PCDHGB6: variants seen among roughly 807,000 people sequenced by gnomAD.
PCDHGB6 encodes the protein protocadherin gamma-B6.
Under a neutral mutation model 59.1 loss-of-function variants are expected in PCDHGB6, and 51 were observed. The observed-to-expected ratio is 0.86, with a 90% CI of 0.69 to 1.09. PCDHGB6 has a LOEUF of 1.09. Among genes scored for constraint, PCDHGB6 ranks in the 50% least tolerant of loss-of-function variants. The pLI is 0.00. For missense variants in PCDHGB6, 1,148 were observed against 1,205.1 expected, an observed-to-expected ratio of 0.95 and a Z score of 0.70; for synonymous variants, 466 against 495.1, an observed-to-expected ratio of 0.94 and a Z score of 0.78.
rs1303066281 is a variant in PCDHGB6, at chr5:141,511,199, G to A, written c.*26G>A. The A allele has an allele frequency of 1.2e-6, 2 of 1,612,750 alleles. No homozygotes were observed. The highest frequency in any genetic ancestry group is 1.3e-5 in the African/African-American group (1 of 74,896). On this transcript the variant is annotated 3_prime_UTR_variant, in exon 4 of 4. Transcript: ENST00000520790. The stretch of plus-strand genomic sequence containing the variant: ...CATGGAGGCCAGGCCAAGAGCCACA[G>A]GGCGGCCTCTCCCCAACCAGCCCAG...
intron 1 of PCDHGB6, chr5:141,415,979 C>T (rs2095978015): frequency 2.8e-6 from 1 of 351,190 alleles, no homozygotes; most frequent in Middle Eastern, 8.3e-4. Flanking sequence ...TTAAGCAACC[C>T]TCTTGTTCTG....
chr5:141,468,464 TC>T (rs2099167734), intron 1 of PCDHGB6: 2 of 152,174 alleles, frequency 1.3e-5, no homozygotes, highest in Admixed American at 1.3e-4. Flanking sequence ...GCAAGTTATT[TC>T]TGAGGAGAAT....
In PCDHGB6 at chr5:141,432,866, G is replaced by A; in HGVS notation, c.2418+22246G>A. The A allele has an allele frequency of 6.2e-7, 1 of 1,614,152 alleles. No individual in the cohort carries two copies. The highest frequency in any genetic ancestry group is 8.5e-7 in the Non-Finnish European group (1 of 1,180,008). On this transcript the variant is annotated intron_variant, in intron 1 of 3. Transcript: ENST00000520790. This position sits in a 1 kb window ranked among gnomAD's most constrained non-coding sequence, Gnocchi z 6.0. ...GGTAGCGGTGGCCGCGGTCTCCTGC[G>A]TCTTCCTGGCCTTCGTCATCTTGCT...
Position 141,408,131 on chromosome 5 carries a change from G to C in PCDHGB6, c.-72G>C. On this transcript the variant is annotated 5_prime_UTR_variant, in exon 1 of 4. It removes an upstream start codon present in the reference 5' UTR. Transcript: ENST00000520790. The stretch of plus-strand genomic sequence containing the variant: ...GGACTCCTCCTGTCCTGGGCCGAAT[G>C]CTCTTTTAGCGCGGTAGAGTGCACT... 1 of 1,482,338 alleles carries C rather than the reference G, an allele frequency of 6.7e-7. No homozygotes were observed. Among genetic ancestry groups the C allele is most frequent in the South Asian group, 1.4e-5 (1 of 72,628 alleles). The allele number at this position is 1,482,338 out of a possible 1,614,324, so 91.8% of individuals were successfully genotyped here.
rs1590066119 is a variant in PCDHGB6, at chr5:141,417,816, C to G, written c.2418+7196C>G. On this transcript the variant is annotated intron_variant, in intron 1 of 3. Transcript: ENST00000520790. ...CTTTTAGCGCGGTAGAGTGCACTTT[C>G]TCCAACTGGAAAAGCGGGGACCCAG... is the stretch of plus-strand genomic sequence containing the variant. 3 of 1,511,044 alleles carry G rather than the reference C, an allele frequency of 2.0e-6. No homozygotes were observed. The East Asian group carries it at 7.4e-5, about 37-fold the overall frequency. 93.6% of individuals were successfully genotyped at this position (1,511,044 alleles called of 1,614,324 possible).
At chr5:141,424,776 A>C (rs1406581367) in intron 1 of PCDHGB6, 2 of 152,154 alleles carry the variant, frequency 1.3e-5, no homozygotes, top group African/African-American at 4.8e-5. Context: ...CAAATAGTAC[A>C]TTCAGTTCTT....
chr5:141,427,440 G>T (rs747459662), intron 1 of PCDHGB6: 3 of 477,366 alleles, frequency 6.3e-6, no homozygotes, highest in South Asian at 3.1e-5. Flanking sequence ...CCTCATAAAC[G>T]AAAGAGTTCC....
At position 141,409,185 on chromosome 5, in the gene PCDHGB6, C is replaced by G. The variant is rs765063807; in HGVS notation, c.983C>G (p.Ser328Cys). 1 of 1,614,024 alleles carries G rather than the reference C, an allele frequency of 6.2e-7. No homozygotes were observed. The highest frequency in any genetic ancestry group is 1.1e-5 in the South Asian group (1 of 91,088). ...EVEAKDGGGL[S>C]TQCKVIIEIL... is the part of the protein sequence containing the mutation. ...GAAGCGAAGGACGGAGGTGGTCTCT[C>G]TACCCAGTGTAAAGTAATCATAGAA... The change falls in exon 1 of 4, where the codon TCT becomes TGT. Residue 328 changes from serine (S) to cysteine (C), a missense_variant. Ser to Cys is a moderately radical substitution (Grantham distance 112, BLOSUM62 -1). This residue lies in a region of PCDHGB6 where 549 missense variants were observed against 527.5 expected (regional missense o/e 1.04). Coordinates refer to ENST00000520790, the MANE Select transcript of PCDHGB6 (RefSeq NM_018926.3).
At chr5:141,460,438 T>A (rs1035541143) in intron 1 of PCDHGB6, among the ~76,000 whole-genome samples, 16 of 152,172 alleles carry the variant, frequency 1.1e-4, no homozygotes, top group African/African-American at 3.1e-4. Flanking sequence ...TGGTGTGAGG[T>A]AACAATGAAG....
intron 1 of PCDHGB6, among the ~76,000 whole-genome samples, chr5:141,451,606 G>C (rs2098720118): frequency 6.6e-6 from 1 of 152,152 alleles, no homozygotes; most frequent in Non-Finnish European, 1.5e-5. Flanking sequence ...ACAAGGCTAG[G>C]CATGGTGGCT....
In PCDHGB6 at chr5:141,491,715, G is replaced by A. The variant is rs1333909488; in HGVS notation, c.2419-3092G>A. 1 of 1,607,782 alleles carries A rather than the reference G, an allele frequency of 6.2e-7. No individual in the cohort carries two copies. Among genetic ancestry groups the A allele is most frequent in the Admixed American group, 1.7e-5 (1 of 58,966 alleles). On this transcript the variant is annotated intron_variant, in intron 1 of 3. Transcript: ENST00000520790. This position sits in a 1 kb window ranked among gnomAD's most constrained non-coding sequence, Gnocchi z 6.9. ...AGCGGAGCCAGGTGAGGGGCTCGGC[G>A]CCGCCCCGGGCGACCCCTGGGGGCG...
intron 1 of PCDHGB6, chr5:141,414,399 GGTGATAC>G (rs1297009673): frequency 6.2e-7 from 1 of 1,613,846 alleles, no homozygotes; most frequent in South Asian, 1.1e-5. Flanking sequence ...ATTACAGATT[GGTGATAC>G]ACAGAGCCCT....
At position 141,486,121 on chromosome 5, in the gene PCDHGB6, T is replaced by C. The variant is rs371827617; in HGVS notation, c.2419-8686T>C. 5.6e-6 allele frequency: 9 copies of C among 1,614,086 alleles called. No individual in the cohort carries two copies. The highest frequency in any genetic ancestry group is 2.2e-5 in the South Asian group (2 of 91,082). ...TAGACTTTGAGAGTGAGAATTACTATGAATTTGATGTGCGGGCTCGCGATG... is the reference window on the plus strand; with the variant it reads ...TAGACTTTGAGAGTGAGAATTACTACGAATTTGATGTGCGGGCTCGCGATG... On this transcript the variant is annotated intron_variant, in intron 1 of 3. Coordinates refer to ENST00000520790, the MANE Select transcript of PCDHGB6 (RefSeq NM_018926.3). This position sits in a 1 kb window ranked among gnomAD's most constrained non-coding sequence, Gnocchi z 5.0.
At chr5:141,500,348 A>G (rs2099799436) in intron 2 of PCDHGB6, among the ~76,000 whole-genome samples, 1 of 151,950 alleles carries the variant, frequency 6.6e-6, no homozygotes, top group Non-Finnish European at 1.5e-5. Context: ...AGCTGGGACT[A>G]CAGGCGCCCA....
At chr5:141,419,174 A>G (rs1283454889) in intron 1 of PCDHGB6, 1 of 1,613,840 alleles carries the variant, frequency 6.2e-7, no homozygotes, top group East Asian at 2.2e-5. Flanking sequence ...CAAAACCATA[A>G]CCCTGCACAT....
chr5:141,445,973 G>A (rs563637331), intron 1 of PCDHGB6, among the ~76,000 whole-genome samples: 28 of 152,326 alleles, frequency 1.8e-4, no homozygotes, highest in African/African-American at 6.0e-4. Flanking sequence ...ATTGATTTAT[G>A]AGGGTTATAA....
chr5:141,479,752 T>C (rs770200359), intron 1 of PCDHGB6: 4 of 152,236 alleles, frequency 2.6e-5, no homozygotes, highest in Non-Finnish European at 4.4e-5. Context: ...ATGTGAAAGG[T>C]AGATAAATTC....
intron 1 of PCDHGB6, among the ~76,000 whole-genome samples, chr5:141,463,944 T>C (rs1454454223): frequency 3.3e-5 from 5 of 152,158 alleles, no homozygotes; most frequent in African/African-American, 4.8e-5. Flanking sequence ...TTTATAGAAA[T>C]CTTCATTTTT....
rs961341807 is a variant in PCDHGB6 at position 141,486,262 on chromosome 5, A to G, written c.2419-8545A>G. The G allele has an allele frequency of 6.2e-6, 10 of 1,613,912 alleles. No individual in the cohort carries two copies. Among genetic ancestry groups the G allele is most frequent in the Non-Finnish European group, 8.5e-6 (10 of 1,179,986 alleles). On this transcript the variant is annotated intron_variant, in intron 1 of 3. Transcript: ENST00000520790. This position sits in a 1 kb window ranked among gnomAD's most constrained non-coding sequence, Gnocchi z 5.0. ...AGCTTGGAACCCTCCCCGAGAGTGC[A>G]GAACCTGGCACTGTGGTGGCACTTA...
Sources: gnomAD v4.1 joint callset for allele counts (sites outside exome capture counted in the v4.1 genomes callset) on GRCh38, gnomAD v4.1.1 for gene constraint, gnomAD v4.1.1 regional missense constraint, Gnocchi (gnomAD v3.1) non-coding constraint, MANE v1.5 for transcripts, NCBI Gene and HGNC (gene_info 2026-07-23, HGNC 2026-07-21) for gene names.